P2RX7: variants seen among roughly 807,000 people sequenced by gnomAD.
P2RX7 encodes the protein purinergic receptor P2X 7, also known as P2X purinoceptor 7.
A neutral mutation model predicts 71.6 loss-of-function variants in P2RX7; 62 were observed. That is an observed-to-expected ratio of 0.87 (90% CI 0.71 to 1.07). The LOEUF (loss-of-function observed/expected upper bound fraction) is 1.07, where lower values mean the gene tolerates loss of function less well. Ranked by LOEUF, P2RX7 falls within the 50% of genes least tolerant of loss-of-function variation. P2RX7 has a pLI of 0.00. For synonymous variants in P2RX7, 299 were observed against 283.3 expected (o/e 1.06, Z -0.56); for missense variants, 686 against 748.5 (o/e 0.92, Z 0.97).
At chr12:121,152,861 C>T (rs900539007) in intron 1 of P2RX7, among the ~76,000 whole-genome samples, 12 of 152,314 alleles carry the variant, frequency 7.9e-5, no homozygotes, top group African/African-American at 1.4e-4. Flanking sequence ...TTTATCCATT[C>T]GTTGTTTGAG....
rs781254298 is a variant in P2RX7, at chr12:121,133,041, T to G, written c.71T>G (p.Met24Arg). The change falls in exon 1 of 13, where the codon ATG (methionine) becomes AGG (arginine). Residue 24 changes from methionine to arginine, a missense_variant. Transcript: ENST00000328963. ...ETNKVTRIQS[M>R]NYGTIKWFFH... is the part of the protein sequence containing the mutation. ...AACAAAGTCACTCGGATCCAGAGCA[T>G]GAATTATGGCACCATTAAGTGGTTC... The G allele has an allele frequency of 2.5e-6, 4 of 1,613,962 alleles. No homozygotes were observed. In the African/African-American group the frequency reaches 5.3e-5, roughly 22 times the overall value.
At chr12:121,141,601 A>G (rs948029272) in intron 1 of P2RX7, among the ~76,000 whole-genome samples, 10 of 152,346 alleles carry the variant, frequency 6.6e-5, no homozygotes, top group Middle Eastern at 3.4e-3. Context: ...GCATCTTATT[A>G]GAAAATATTG....
At chr12:121,145,696 C>T (rs1022192178) in intron 1 of P2RX7, among the ~76,000 whole-genome samples, 36 of 151,836 alleles carry the variant, frequency 2.4e-4, no homozygotes, top group Non-Finnish European at 4.4e-4. Context: ...TTAGTAGAGA[C>T]GGGGTTTCAC....
chr12:121,155,744 C>T (rs965858614), intron 2 of P2RX7, among the ~76,000 whole-genome samples: 2 of 151,886 alleles, frequency 1.3e-5, no homozygotes, highest in Admixed American at 1.3e-4. Flanking sequence ...CCCCTACCCT[C>T]GCCTCCCCAG....
Position 121,184,449 on chromosome 12 carries a change from T to C in P2RX7, c.1435T>C (p.Cys479Arg). 1.2e-6 allele frequency: 2 copies of C among 1,614,084 alleles called. No individual in the cohort carries two copies. The highest frequency in any genetic ancestry group is 1.7e-6 in the Non-Finnish European group (2 of 1,180,006). ...CAGGGATAGCCCCGTCTGGTGCCAG[T>C]GTGGAAGCTGCCTCCCATCTCAACT... ...RSRDSPVWCQ[C>R]GSCLPSQLPE... The change falls in exon 13 of 13, where the codon TGT (cysteine) becomes CGT (arginine). Residue 479 changes from cysteine (C) to arginine (R), a missense_variant. Coordinates refer to ENST00000328963, the MANE Select transcript of P2RX7 (RefSeq NM_002562.6).
In P2RX7 at chr12:121,133,010, G is replaced by T; in HGVS notation, c.40G>T (p.Glu14Ter). ...CCSCSDVFQY[E>*]TNKVTRIQSM... ...CAGCTGCAGTGATGTTTTCCAGTAT[G>T]AGACGAACAAAGTCACTCGGATCCA... The change falls in exon 1 of 13, where the codon GAG becomes TAG. Residue 14 changes from glutamate to a stop codon, truncating the protein, a stop_gained. Coordinates refer to ENST00000328963, the MANE Select transcript of P2RX7 (RefSeq NM_002562.6). LOFTEE classifies it high-confidence loss of function. 1.9e-6 allele frequency: 3 copies of T among 1,614,062 alleles called. No individual in the cohort carries two copies. Among genetic ancestry groups the T allele is most frequent in the Non-Finnish European group, 2.5e-6 (3 of 1,180,004 alleles).
chr12:121,177,775 G>A (rs1883410462), intron 11 of P2RX7, among the ~76,000 whole-genome samples: 2 of 151,588 alleles, frequency 1.3e-5, no homozygotes, highest in Admixed American at 6.6e-5. Context: ...CTGGAGTGCA[G>A]AGGCATGATC....
chr12:121,149,657 G>A lies in P2RX7; in HGVS notation c.126-5128G>A, dbSNP rs1193984700. ...GGAGCTATAATTCAAGATGAAATTT[G>A]GATGGGGACACAGCCAAACCATATC... On this transcript the variant is annotated intron_variant, in intron 1 of 12. Transcript: ENST00000328963. This position sits in a 1 kb window ranked among gnomAD's most constrained non-coding sequence, Gnocchi z 4.7. Among the ~76,000 whole-genome samples the A allele has an allele frequency of 1.3e-5, 2 of 152,142 alleles. No homozygotes were observed. The highest frequency in any genetic ancestry group is 4.8e-5 in the African/African-American group (2 of 41,438).
At chr12:121,177,788 G>A (rs893580432) in intron 11 of P2RX7, among the ~76,000 whole-genome samples, 3 of 151,350 alleles carry the variant, frequency 2.0e-5, no homozygotes, top group Non-Finnish European at 4.4e-5. Flanking sequence ...GCATGATCTC[G>A]GCTCACTGCA....
intron 1 of P2RX7, among the ~76,000 whole-genome samples, chr12:121,145,934 G>A (rs1284926889): frequency 6.6e-6 from 1 of 152,106 alleles, no homozygotes; most frequent in Non-Finnish European, 1.5e-5. Flanking sequence ...GATGGAAATG[G>A]GACAGGAGAG....
chr12:121,174,014 T>C (rs1882636572), intron 8 of P2RX7, among the ~76,000 whole-genome samples: 1 of 151,692 alleles, frequency 6.6e-6, no homozygotes, highest in African/African-American at 2.4e-5. Context: ...CAAAACATTT[T>C]TGAAAAAAAC....
At position 121,160,991 on chromosome 12, in the gene P2RX7, T is replaced by C. The variant is rs200332151; in HGVS notation, c.436+17T>C. ...AGAGCAAAGGTACCTTCTGTTTCTT[T>C]TCCCGAGACCCTAGGGGTGGATGGT... On this transcript the variant is annotated intron_variant, in intron 4 of 12. Coordinates refer to ENST00000328963, the MANE Select transcript of P2RX7 (RefSeq NM_002562.6). 1.6e-5 allele frequency: 26 copies of C among 1,601,378 alleles called. No individual in the cohort carries two copies. Among genetic ancestry groups the C allele is most frequent in the Non-Finnish European group, 1.7e-5 (20 of 1,168,626 alleles).
At chr12:121,139,700 C>T (rs1302662932) in intron 1 of P2RX7, among the ~76,000 whole-genome samples, 1 of 150,906 alleles carries the variant, frequency 6.6e-6, no homozygotes, top group Non-Finnish European at 1.5e-5. Flanking sequence ...AATCCAAATC[C>T]AACCCAAGCA....
intron 8 of P2RX7, among the ~76,000 whole-genome samples, chr12:121,170,302 C>T (rs1593114703): frequency 2.0e-5 from 3 of 152,190 alleles, no homozygotes; most frequent in East Asian, 3.9e-4. Context: ...GGCAGTGTAC[C>T]AATCAGGTGT....
At chr12:121,165,471 T>C (rs776895224) in intron 6 of P2RX7, 34 bp downstream of exon 6, 17 of 1,501,794 alleles carry the variant, frequency 1.1e-5, no homozygotes, top group African/African-American at 8.2e-5. Context: ...GTCTTAGTTA[T>C]CTACTGCTGA....
At position 121,184,726 on chromosome 12, in the gene P2RX7, G is replaced by A. The variant is rs377579729; in HGVS notation, c.1712G>A (p.Ser571Asn). The change falls in exon 13 of 13, where the codon AGC (serine) becomes AAC (asparagine). Residue 571 changes from serine to asparagine, a missense_variant. Ser to Asn is a conservative substitution (Grantham distance 46, BLOSUM62 1). Transcript: ENST00000328963. ...QDMADFAILP[S>N]CCRWRIRKEF... The stretch of plus-strand genomic sequence containing the variant: ...ATGGCTGACTTTGCCATCCTGCCCA[G>A]CTGCTGCCGCTGGAGGATCCGGAAA... 9.0e-6 allele frequency: 14 copies of A among 1,559,568 alleles called. No individual in the cohort carries two copies. Among genetic ancestry groups the A allele is most frequent in the Non-Finnish European group, 1.2e-5 (14 of 1,151,304 alleles).
intron 1 of P2RX7, among the ~76,000 whole-genome samples, chr12:121,145,474 G>A (rs1292919915): frequency 6.6e-6 from 1 of 151,858 alleles, no homozygotes; most frequent in African/African-American, 2.4e-5. Context: ...ATGCGGAAGT[G>A]GATGTGATGA....
intron 11 of P2RX7, among the ~76,000 whole-genome samples, chr12:121,178,157 G>T (rs1311701816): frequency 1.3e-5 from 2 of 152,118 alleles, no homozygotes. Flanking sequence ...CTCCATACCT[G>T]CCCTAGAGAA....
chr12:121,142,229 T>C (rs1037389151), intron 1 of P2RX7, among the ~76,000 whole-genome samples: 4 of 152,220 alleles, frequency 2.6e-5, no homozygotes, highest in Non-Finnish European at 5.9e-5. Context: ...GCTGAGTTCC[T>C]GCCTGGAGAC....
Sources: gnomAD v4.1 joint callset for allele counts (sites outside exome capture counted in the v4.1 genomes callset) on GRCh38, gnomAD v4.1.1 for gene constraint, Gnocchi (gnomAD v3.1) non-coding constraint, MANE v1.5 for transcripts, NCBI Gene and HGNC (gene_info 2026-07-23, HGNC 2026-07-21) for gene names.